SHISA9: variants seen among roughly 807,000 people sequenced by gnomAD.
SHISA9 encodes shisa family member 9, also known as protein shisa-9.
In SHISA9, 13 loss-of-function variants were observed where a neutral mutation model predicts 38.0. That is an observed-to-expected ratio of 0.34 (90% CI 0.22 to 0.54). The LOEUF (loss-of-function observed/expected upper bound fraction) is 0.54. SHISA9 is among the 20% of genes least tolerant of loss of function. SHISA9 has a pLI of 0.91. For synonymous variants in SHISA9, 275 were observed against 242.0 expected (o/e 1.14, Z -1.27); for missense variants, 538 against 575.8 (o/e 0.93, Z 0.67).
chr16:12,934,292 T>C (rs912900208), intron 2 of SHISA9, among the ~76,000 whole-genome samples: 1 of 152,256 alleles, frequency 6.6e-6, no homozygotes, highest in African/African-American at 2.4e-5. Flanking sequence ...ACATGTCCTA[T>C]TGTGTGTCAA....
At chr16:13,151,057 A>G (rs934220561) in intron 2 of SHISA9, among the ~76,000 whole-genome samples, 6 of 152,146 alleles carry the variant, frequency 3.9e-5, no homozygotes, top group African/African-American at 1.4e-4. Context: ...CATTAGCATG[A>G]GGTGGGAGCT....
In SHISA9 at chr16:13,187,731, A is replaced by T. The variant is rs891820321; in HGVS notation, c.692-15663A>T. Among the ~76,000 whole-genome samples the T allele has an allele frequency of 3.3e-5, 5 of 152,258 alleles. No individual in the cohort carries two copies. In the South Asian group the frequency reaches 1.0e-3, roughly 32 times the overall value. ...ACCATTCACTTATACTTTTTCTGAT[A>T]GATCCTTAAAAATGAAATTTCAAAG... On this transcript the variant is annotated intron_variant, in intron 2 of 4. Transcript: ENST00000558583.
At chr16:13,396,353 A>G in the SHISA9 span, among the ~76,000 whole-genome samples, 1 of 152,212 alleles carries the variant, frequency 6.6e-6, no homozygotes, top group Non-Finnish European at 1.5e-5. Context: ...CTAAAAATAC[A>G]CAAATTAACT....
chr16:13,249,415 G>A, the SHISA9 span, among the ~76,000 whole-genome samples: 21,777 of 152,090 alleles, frequency 0.14, 2,181 homozygotes, highest in East Asian at 0.3. Flanking sequence ...ATAATAATGC[G>A]CTTTCTGTAG....
At chr16:12,927,816 G>T (rs1037640354) in intron 2 of SHISA9, among the ~76,000 whole-genome samples, 1 of 152,106 alleles carries the variant, frequency 6.6e-6, no homozygotes, top group Admixed American at 6.6e-5. Context: ...GAGTTATCCA[G>T]TTCAAACCAC....
At chr16:12,940,490 T>C (rs948253912) in intron 2 of SHISA9, among the ~76,000 whole-genome samples, 1 of 151,288 alleles carries the variant, frequency 6.6e-6, no homozygotes, top group Non-Finnish European at 1.5e-5. Flanking sequence ...AAAGTTTAAA[T>C]GTCAAGCCAA....
chr16:13,185,805 T>C (rs946321489), intron 2 of SHISA9, among the ~76,000 whole-genome samples: 1 of 152,166 alleles, frequency 6.6e-6, no homozygotes, highest in Non-Finnish European at 1.5e-5. Context: ...TTGCCCAATC[T>C]CTAATTAGAA....
the SHISA9 span, among the ~76,000 whole-genome samples, chr16:13,273,768 C>G: frequency 1.3e-5 from 2 of 152,118 alleles, no homozygotes; most frequent in African/African-American, 4.8e-5. Context: ...GCCACAGGAG[C>G]AGACATAGGG....
the SHISA9 span, among the ~76,000 whole-genome samples, chr16:13,306,989 G>T: frequency 6.6e-6 from 1 of 152,158 alleles, no homozygotes; most frequent in African/African-American, 2.4e-5. Context: ...TACACTGCAT[G>T]CAGAAGTTTT....
At chr16:12,954,248 A>G (rs1274033530) in intron 2 of SHISA9, among the ~76,000 whole-genome samples, 5 of 152,228 alleles carry the variant, frequency 3.3e-5, no homozygotes, top group Non-Finnish European at 7.3e-5. Context: ...CCAGGGAAGT[A>G]GAAGTGTCTA....
At chr16:13,223,941 A>C (rs894206023) in intron 4 of SHISA9, among the ~76,000 whole-genome samples, 27 of 152,200 alleles carry the variant, frequency 1.8e-4, no homozygotes, top group Admixed American at 1.8e-3. Flanking sequence ...CCATAACTTG[A>C]GGCAGTGGAG....
the SHISA9 span, among the ~76,000 whole-genome samples, chr16:13,393,969 C>T: frequency 2.0e-5 from 3 of 152,324 alleles, no homozygotes; most frequent in Admixed American, 6.5e-5. Context: ...CTCTTTGCCA[C>T]GGTGCTCTAC....
chr16:13,471,809 T>C, the SHISA9 span, among the ~76,000 whole-genome samples: 2 of 151,942 alleles, frequency 1.3e-5, no homozygotes, highest in Non-Finnish European at 2.9e-5. Flanking sequence ...TAAGCAAAAG[T>C]CACTGTAATC....
chr16:13,514,717 G>T, the SHISA9 span, among the ~76,000 whole-genome samples: 3 of 152,166 alleles, frequency 2.0e-5, no homozygotes, highest in Non-Finnish European at 4.4e-5. Flanking sequence ...TAATACATGT[G>T]TGATTAGAGG....
intron 2 of SHISA9, among the ~76,000 whole-genome samples, chr16:13,111,739 A>G (rs2073980272): frequency 1.3e-5 from 2 of 152,364 alleles, no homozygotes; most frequent in Admixed American, 1.3e-4. Flanking sequence ...TTGAATATTA[A>G]GTATTCAATG....
At chr16:13,215,481 G>T (rs1310859905) in intron 4 of SHISA9, among the ~76,000 whole-genome samples, 2 of 152,090 alleles carry the variant, frequency 1.3e-5, no homozygotes, top group African/African-American at 4.8e-5. Context: ...CAAACAATTT[G>T]GAACATGACA....
chr16:13,494,004 T>C, the SHISA9 span, among the ~76,000 whole-genome samples: 1 of 152,020 alleles, frequency 6.6e-6, no homozygotes, highest in East Asian at 1.9e-4. Flanking sequence ...TGTGACATGG[T>C]GGAGGATGCA....
the SHISA9 span, among the ~76,000 whole-genome samples, chr16:13,520,877 A>G: frequency 3.9e-5 from 6 of 152,220 alleles, no homozygotes; most frequent in African/African-American, 1.4e-4. Flanking sequence ...ATAATTGCAC[A>G]TTTTTATGGG....
At chr16:13,247,945 G>A in the SHISA9 span, among the ~76,000 whole-genome samples, 1 of 152,210 alleles carries the variant, frequency 6.6e-6, no homozygotes, top group Admixed American at 6.5e-5. Context: ...TTTACAATGT[G>A]CGGGTGCCTT....
Sources: gnomAD v4.1 joint callset for allele counts (sites outside exome capture counted in the v4.1 genomes callset) on GRCh38, gnomAD v4.1.1 for gene constraint, MANE v1.5 for transcripts, NCBI Gene and HGNC (gene_info 2026-07-23, HGNC 2026-07-21) for gene names.